The following PTPRG variants were observed in gnomAD, a reference collection of about 807,000 sequenced individuals.
The protein encoded by PTPRG is receptor-type tyrosine-protein phosphatase gamma.
Under a neutral mutation model 165.3 loss-of-function variants are expected in PTPRG, and 102 were observed. That is an observed-to-expected ratio of 0.62 (90% CI 0.53 to 0.73). The LOEUF is 0.73. Ranked by LOEUF, PTPRG falls within the 30% of genes least tolerant of loss-of-function variation. The probability of loss-of-function intolerance (pLI) is 0.00; values close to 1 mark genes in which losing one functional copy is unlikely to be tolerated. For missense variants in PTPRG, 1,866 were observed against 1,861.4 expected, an observed-to-expected ratio of 1.00 and a Z score of -0.05; for synonymous variants, 675 against 669.5, an observed-to-expected ratio of 1.01 and a Z score of -0.13.
intron 2 of PTPRG, among the ~76,000 whole-genome samples, chr3:61,765,359 T>TA (rs2106990073): frequency 6.6e-6 from 1 of 152,322 alleles, no homozygotes; most frequent in East Asian, 1.9e-4. Context: ...TGTGCTGCAG[T>TA]AAAGAGGTGG....
intron 2 of PTPRG, among the ~76,000 whole-genome samples, chr3:61,780,795 C>T (rs2034525127): frequency 6.6e-6 from 1 of 152,170 alleles, no homozygotes; most frequent in South Asian, 2.1e-4. Flanking sequence ...CTTAGGCACT[C>T]CTGCCAATGA....
At chr3:61,704,422 C>T (rs1377847342) in intron 1 of PTPRG, among the ~76,000 whole-genome samples, 5 of 152,122 alleles carry the variant, frequency 3.3e-5, no homozygotes, top group African/African-American at 1.2e-4. Flanking sequence ...AAGGATTCTT[C>T]ACCTTTTCTT....
At chr3:62,004,168 C>T (rs1025134624) in intron 4 of PTPRG, among the ~76,000 whole-genome samples, 5 of 152,142 alleles carry the variant, frequency 3.3e-5, no homozygotes, top group African/African-American at 1.2e-4. Flanking sequence ...CACATCTCTT[C>T]CAATGCCAAC....
intron 2 of PTPRG, among the ~76,000 whole-genome samples, chr3:61,812,814 T>C (rs1309030587): frequency 6.6e-6 from 1 of 152,222 alleles, no homozygotes; most frequent in Non-Finnish European, 1.5e-5. Flanking sequence ...ATAGAGGGCA[T>C]TGCGGCAGAG....
intron 4 of PTPRG, among the ~76,000 whole-genome samples, chr3:62,058,449 G>A (rs1343534796): frequency 6.6e-6 from 1 of 152,038 alleles, no homozygotes; most frequent in African/African-American, 2.4e-5. Context: ...GGGATTACAT[G>A]AGCCACTGCA....
At chr3:61,755,523 T>G (rs635407) in intron 2 of PTPRG, among the ~76,000 whole-genome samples, 117,847 of 152,172 alleles carry the variant, frequency 0.77, 45,772 homozygotes, top group East Asian at 0.93. Flanking sequence ...TAAAGTAGAA[T>G]TTCTTTACTT....
intron 2 of PTPRG, among the ~76,000 whole-genome samples, chr3:61,910,806 G>A (rs1447992228): frequency 6.6e-6 from 1 of 152,200 alleles, no homozygotes; most frequent in East Asian, 1.9e-4. Context: ...ATCTGAGCAA[G>A]CCCCAGACGG....
chr3:62,199,700 G>A (rs1298650325), intron 10 of PTPRG, among the ~76,000 whole-genome samples: 4 of 152,078 alleles, frequency 2.6e-5, no homozygotes, highest in Non-Finnish European at 5.9e-5. Context: ...CAGCATTTTC[G>A]CTAATCTCTC....
intron 2 of PTPRG, among the ~76,000 whole-genome samples, chr3:61,866,441 G>C (rs1183109484): frequency 2.6e-5 from 4 of 152,054 alleles, no homozygotes; most frequent in Non-Finnish European, 1.5e-5. Context: ...TGAGGCTGTG[G>C]CTGAGAACCA....
intron 1 of PTPRG, among the ~76,000 whole-genome samples, chr3:61,698,158 A>G (rs1188055103): frequency 6.6e-6 from 1 of 152,130 alleles, no homozygotes; most frequent in African/African-American, 2.4e-5. Flanking sequence ...TTCTCTTGTT[A>G]ATCTGCCTTT....
intron 14 of PTPRG, among the ~76,000 whole-genome samples, chr3:62,243,199 TA>T (rs1045201029): frequency 1.3e-5 from 2 of 151,108 alleles, no homozygotes; most frequent in Non-Finnish European, 2.9e-5. Flanking sequence ...GAAATACAGG[TA>T]AAAAAAACAA....
chr3:62,085,204 CATT>C (rs1458556508), intron 5 of PTPRG, among the ~76,000 whole-genome samples: 4 of 152,280 alleles, frequency 2.6e-5, no homozygotes, highest in South Asian at 4.1e-4. Context: ...TGTTTTATCA[CATT>C]ATTAATTATT....
At chr3:62,201,046 T>C (rs1009513911) in intron 10 of PTPRG, among the ~76,000 whole-genome samples, 1 of 151,736 alleles carries the variant, frequency 6.6e-6, no homozygotes, top group Non-Finnish European at 1.5e-5. Flanking sequence ...GCTTTGGGGG[T>C]GGAGGTGGAC....
At chr3:61,997,981 G>A (rs1168358223) in intron 3 of PTPRG, among the ~76,000 whole-genome samples, 1 of 152,094 alleles carries the variant, frequency 6.6e-6, no homozygotes, top group East Asian at 1.9e-4. Context: ...TCTTGGCAAC[G>A]GTGCATCAGG....
At chr3:61,971,437 G>C (rs2107659527) in intron 2 of PTPRG, among the ~76,000 whole-genome samples, 1 of 152,294 alleles carries the variant, frequency 6.6e-6, no homozygotes. Context: ...TAGGAAATCA[G>C]TATTTGTATG....
At chr3:61,963,456 T>C (rs1214681061) in intron 2 of PTPRG, among the ~76,000 whole-genome samples, 1 of 152,216 alleles carries the variant, frequency 6.6e-6, no homozygotes, top group Non-Finnish European at 1.5e-5. Context: ...TTAATACGCA[T>C]TTAGTGAATT....
intron 5 of PTPRG, among the ~76,000 whole-genome samples, chr3:62,080,628 A>C (rs1017277334): frequency 2.0e-5 from 3 of 152,174 alleles, no homozygotes; most frequent in African/African-American, 7.2e-5. Flanking sequence ...CTTTCTTAAA[A>C]GAAAATTTAA....
chr3:61,940,463 A>T (rs1288821996), intron 2 of PTPRG, among the ~76,000 whole-genome samples: 1 of 152,162 alleles, frequency 6.6e-6, no homozygotes, highest in Non-Finnish European at 1.5e-5. Context: ...ACTCTGAAGG[A>T]AGTGCCAAGA....
At chr3:61,658,435 C>G (rs1702570218) in intron 1 of PTPRG, among the ~76,000 whole-genome samples, 1 of 152,150 alleles carries the variant, frequency 6.6e-6, no homozygotes, top group Non-Finnish European at 1.5e-5. Context: ...GTTCAGGTAC[C>G]AGCTCTGCCC....
Sources: allele counts gnomAD v4.1 joint callset (sites outside exome capture counted in the v4.1 genomes callset), GRCh38; gene constraint gnomAD v4.1.1; transcripts MANE v1.5; gene names NCBI Gene and HGNC (gene_info 2026-07-23, HGNC 2026-07-21).